Variants in PREPL observed in about 807,000 individuals in gnomAD.
PREPL encodes the protein prolyl endopeptidase like, also known as prolyl endopeptidase-like.
Under a neutral mutation model 70.6 loss-of-function variants are expected in PREPL, and 77 were observed. The observed-to-expected ratio is 1.09, with a 90% confidence interval of 0.91 to 1.32. PREPL has a LOEUF of 1.32. Among genes scored for constraint, PREPL ranks in the 40% most tolerant of loss-of-function variants. The pLI, the probability that PREPL is intolerant of heterozygous loss-of-function variation, is 0.00. For synonymous variants in PREPL, 315 were observed against 264.8 expected, an observed-to-expected ratio of 1.19 and a Z score of -1.84; for missense variants, 1,002 against 778.2, an observed-to-expected ratio of 1.29 and a Z score of -3.42.
At chr2:44,328,359 C>T (rs1307217297) in intron 9 of PREPL, among the ~76,000 whole-genome samples, 1 of 138,054 alleles carries the variant, frequency 7.2e-6, no homozygotes, top group East Asian at 2.1e-4. Context: ...ATCACTTGAA[C>T]CTGGGAGGCA....
Position 44,343,994 on chromosome 2 carries a change from A to G in PREPL, c.143-43T>C, listed in dbSNP as rs757434019. On this transcript the variant is annotated intron_variant, in intron 3 of 13. Transcript: ENST00000409411. ...CGAAAGTGATAACTTCAAAGGATGT[A>G]CTTTAAAAAATTAAAACTGTATTTT... 1.8e-5 allele frequency: 28 copies of G among 1,575,722 alleles called. 1 individual carries two copies. In the South Asian group the frequency reaches 3.3e-4, roughly 18 times the overall value.
chr2:44,326,653 G>C, intron 10 of PREPL, 59 bp downstream of exon 10: 1 of 1,534,822 alleles, frequency 6.5e-7, no homozygotes, highest in Non-Finnish European at 9.0e-7. Flanking sequence ...TTTTCTTAGA[G>C]TAGCCTATGG....
chr2:44,346,491 C>A, intron 1 of PREPL, 101 bp from the exon 2 acceptor site: 1 of 1,029,984 alleles, frequency 9.7e-7, no homozygotes, highest in Non-Finnish European at 1.4e-6. Context: ...TAACGTTGTA[C>A]AAAAAAGAAA....
At position 44,332,575 on chromosome 2, in the gene PREPL, G is replaced by C. The variant is rs770607340; in HGVS notation, c.970C>G (p.Arg324Gly). The C allele has an allele frequency of 6.2e-7, 1 of 1,613,626 alleles. No homozygotes were observed. Among genetic ancestry groups the C allele is most frequent in the Non-Finnish European group, 8.5e-7 (1 of 1,179,524 alleles). The change falls in exon 8 of 14, where the codon CGT (arginine) becomes GGT (glycine). Residue 324 changes from arginine to glycine, a missense_variant. Coordinates refer to ENST00000409411, the MANE Select transcript of PREPL (RefSeq NM_001171613.2). ...NCPFQLCSPI[R>G]PPKYYTYKFA... is the part of the protein sequence containing the mutation. Reference sequence around the variant, plus strand: ...TTGTATGTGTAATATTTTGGGGGACGTATTGGAGAGCAAAGTTGAAAGGGG... The same window carrying C: ...TTGTATGTGTAATATTTTGGGGGACCTATTGGAGAGCAAAGTTGAAAGGGG...
chr2:44,327,731 T>C (rs1673659051), intron 9 of PREPL, among the ~76,000 whole-genome samples: 1 of 151,096 alleles, frequency 6.6e-6, no homozygotes, highest in South Asian at 2.1e-4. Flanking sequence ...GGTGTGGTGG[T>C]GCGTGCCTAT....
chr2:44,354,457 A>T (rs1676791148), intron 1 of PREPL, among the ~76,000 whole-genome samples: 1 of 151,926 alleles, frequency 6.6e-6, no homozygotes. Flanking sequence ...TAGTGATTTG[A>T]CTCCTATGGC....
Position 44,342,343 on chromosome 2 carries a change from T to G in PREPL, c.485+74A>C, listed in dbSNP as rs970384479. The G allele has an allele frequency of 5.3e-5, 72 of 1,352,798 alleles. No homozygotes were observed. In the Middle Eastern group the frequency reaches 6.6e-4, roughly 12 times the overall value. 83.8% of individuals were successfully genotyped at this position (1,352,798 alleles called of 1,614,324 possible). ...TTCCAACCAAAATAAACGTTTTAAGTCAACCAAAGTCAGTACTTTAAATAA... is the reference window on the plus strand; with the variant it reads ...TTCCAACCAAAATAAACGTTTTAAGGCAACCAAAGTCAGTACTTTAAATAA... On this transcript the variant is annotated intron_variant, in intron 5 of 13. Coordinates refer to ENST00000409411, the MANE Select transcript of PREPL (RefSeq NM_001171613.2).
intron 4 of PREPL, among the ~76,000 whole-genome samples, chr2:44,343,259 A>G (rs1257984442): frequency 6.6e-6 from 1 of 152,248 alleles, no homozygotes; most frequent in Non-Finnish European, 1.5e-5. Flanking sequence ...GTACCACTCA[A>G]TGATAAATTT....
In PREPL at chr2:44,323,643, A is replaced by G. The variant is rs543618560; in HGVS notation, c.1480-232T>C. On this transcript the variant is annotated intron_variant, in intron 10 of 13. Coordinates refer to ENST00000409411, the MANE Select transcript of PREPL (RefSeq NM_001171613.2). Reference sequence around the variant, plus strand: ...TATAACAAGAAATGGTTTATCTTCTAATTTCACAATATTTATTTTTAGCTT... The same window carrying G: ...TATAACAAGAAATGGTTTATCTTCTGATTTCACAATATTTATTTTTAGCTT... Among the ~76,000 whole-genome samples, 23 of 152,306 alleles carry G rather than the reference A, an allele frequency of 1.5e-4. No individual in the cohort carries two copies. The East Asian group carries it at 4.2e-3, about 28-fold the overall frequency.
chr2:44,333,155 G>A (rs1425785415), intron 7 of PREPL, among the ~76,000 whole-genome samples: 2 of 152,214 alleles, frequency 1.3e-5, no homozygotes, highest in Non-Finnish European at 1.5e-5. Flanking sequence ...AACGGGCTCA[G>A]CAGCATTAAG....
intron 1 of PREPL, among the ~76,000 whole-genome samples, chr2:44,351,017 G>C (rs1339896197): frequency 1.3e-5 from 2 of 151,404 alleles, no homozygotes; most frequent in Non-Finnish European, 2.9e-5. Context: ...CTGCCTCCTG[G>C]GTTCAAGCGA....
At chr2:44,337,308 T>A (rs993319687) in intron 7 of PREPL, among the ~76,000 whole-genome samples, 2 of 152,212 alleles carry the variant, frequency 1.3e-5, no homozygotes, top group Non-Finnish European at 2.9e-5. Flanking sequence ...CCTTCTTCTC[T>A]AGTTTGAGCC....
Position 44,320,410 on chromosome 2 carries a change from T to G in PREPL, c.*946A>C, listed in dbSNP as rs934090455. On this transcript the variant is annotated 3_prime_UTR_variant, in exon 14 of 14. Transcript: ENST00000409411. ...TCAACACTGTTAAATCTACATAATA[T>G]GATTTCGGGCCTTCCCGCTAAAATG... is the stretch of plus-strand genomic sequence containing the variant. The G allele has an allele frequency of 6.2e-7, 1 of 1,614,092 alleles. No homozygotes were observed. Among genetic ancestry groups the G allele is most frequent in the East Asian group, 2.2e-5 (1 of 44,888 alleles).
In PREPL at chr2:44,323,271, A is replaced by G; in HGVS notation, c.1620T>C (p.Ile540=). The change falls in exon 11 of 14, where the codon ATT becomes ATC. Residue 540 remains isoleucine (I), a synonymous_variant. Transcript: ENST00000409411. ...YIKRYCPYQN[I]KPQHYPSIHI... Reference sequence around the variant, plus strand: ...AATTGTCTTTCACTACCTGAGGTTTAATATTTTGATAGGGACAGTAACGTT... The same window carrying G: ...AATTGTCTTTCACTACCTGAGGTTTGATATTTTGATAGGGACAGTAACGTT... 6.3e-7 allele frequency: 1 copy of G among 1,598,720 alleles called. No homozygotes were observed. The highest frequency in any genetic ancestry group is 8.5e-7 in the Non-Finnish European group (1 of 1,172,802).
intron 1 of PREPL, among the ~76,000 whole-genome samples, chr2:44,355,281 C>G (rs964430608): frequency 3.9e-5 from 6 of 152,188 alleles, no homozygotes; most frequent in Admixed American, 6.5e-5. Flanking sequence ...GCTGCGGTGG[C>G]TCATGCCTGT....
At chr2:44,349,702 C>G (rs1417559679) in intron 1 of PREPL, among the ~76,000 whole-genome samples, 2 of 152,080 alleles carry the variant, frequency 1.3e-5, no homozygotes, top group Non-Finnish European at 2.9e-5. Flanking sequence ...CGGTGGCTCA[C>G]GCCTGTAATC....
chr2:44,321,891 G>T lies in PREPL; in HGVS notation c.1763C>A (p.Thr588Asn), dbSNP rs1672994938. 1.2e-6 allele frequency: 2 copies of T among 1,613,052 alleles called. No homozygotes were observed. Among genetic ancestry groups the T allele is most frequent in the African/African-American group, 1.3e-5 (1 of 74,882 alleles). ...CTGAATATCTAGAATAATATTAGGG[G>T]TCTGATAGCCTGGAAGAGTTAACAT... is the stretch of plus-strand genomic sequence containing the variant. ...HAKDTGEGYQ[T>N]PNIILDIQPG... Residue 588 changes from threonine to asparagine, a missense_variant, in exon 13 of 14, where the codon ACC becomes AAC. Transcript: ENST00000409411.
chr2:44,341,781 C>G (rs1247539783), intron 5 of PREPL, among the ~76,000 whole-genome samples: 2 of 151,234 alleles, frequency 1.3e-5, no homozygotes, highest in East Asian at 3.9e-4. Context: ...GGTGTATTTC[C>G]TTTCAATCTT....
chr2:44,348,001 A>G (rs1422607485), intron 1 of PREPL, among the ~76,000 whole-genome samples: 1 of 152,174 alleles, frequency 6.6e-6, no homozygotes, highest in Non-Finnish European at 1.5e-5. Flanking sequence ...AAAATTAGCA[A>G]TAATGGTTGT....
Sources: gnomAD v4.1 joint callset for allele counts (sites outside exome capture counted in the v4.1 genomes callset) on GRCh38, gnomAD v4.1.1 for gene constraint, MANE v1.5 for transcripts, NCBI Gene and HGNC (gene_info 2026-07-23, HGNC 2026-07-21) for gene names.